DPYSL2: variants seen among roughly 807,000 people sequenced by gnomAD.
DPYSL2 encodes dihydropyrimidinase like 2, also known as dihydropyrimidinase-related protein 2.
A neutral mutation model predicts 69.9 loss-of-function variants in DPYSL2; 13 were observed. That is an observed-to-expected ratio of 0.19 (90% CI 0.12 to 0.30). The LOEUF (loss-of-function observed/expected upper bound fraction) is 0.30, where lower values mean the gene tolerates loss of function less well. Ranked by LOEUF, DPYSL2 falls within the 10% of genes least tolerant of loss-of-function variation. The pLI, the probability that DPYSL2 is intolerant of heterozygous loss-of-function variation, is 1.00. For synonymous variants in DPYSL2, 326 were observed against 359.1 expected, an observed-to-expected ratio of 0.91 and a Z score of 1.04; for missense variants, 587 against 918.9, an observed-to-expected ratio of 0.64 and a Z score of 4.67.
At position 26,586,664 on chromosome 8, in the gene DPYSL2, C is replaced by T. The variant is rs576678491; in HGVS notation, c.628+2681C>T. On this transcript the variant is annotated intron_variant, in intron 3 of 13. Transcript: ENST00000521913. This position sits in a 1 kb window ranked among gnomAD's most constrained non-coding sequence, Gnocchi z 4.7. ...TTTTTTCCATTCATCCAGATGGGTT[C>T]CTTCTGTTTAGGGACGAGGGACATC... Among the ~76,000 whole-genome samples the T allele has an allele frequency of 2.6e-5, 4 of 152,302 alleles. No individual in the cohort carries two copies. In the South Asian group the frequency reaches 6.2e-4, roughly 24 times the overall value.
chr8:26,584,615 T>TTTC (rs1474601911), intron 3 of DPYSL2, among the ~76,000 whole-genome samples: 2 of 117,584 alleles, frequency 1.7e-5, no homozygotes, highest in African/African-American at 6.1e-5. Flanking sequence ...GCTTTGTGCT[T>TTTC]TTTTTTTTTT....
chr8:26,618,437 C>T (rs1444534562), intron 3 of DPYSL2, among the ~76,000 whole-genome samples: 1 of 151,640 alleles, frequency 6.6e-6, no homozygotes, highest in Non-Finnish European at 1.5e-5. Flanking sequence ...CTTAGCCTCC[C>T]GAGTAGCTGC....
intron 8 of DPYSL2, among the ~76,000 whole-genome samples, chr8:26,637,171 G>C (rs1563421540): frequency 1.3e-5 from 2 of 152,312 alleles, no homozygotes; most frequent in South Asian, 4.1e-4. Flanking sequence ...ATGGTTCCCA[G>C]GATGGCATTT....
rs1468960701 is a variant in DPYSL2, at chr8:26,603,252, A to AT, written c.628+19269_628+19270insT. 2.0e-5 allele frequency among the ~76,000 whole-genome samples: 3 copies of AT among 152,038 alleles called. No homozygotes were observed. The East Asian group carries it at 5.8e-4, about 29-fold the overall frequency. ...CAGTGGCCCGATCTTGGCTCACTACAACCTCCACCTCCCGGGTTCAAGCGA... is the reference window on the plus strand; with the variant it reads ...CAGTGGCCCGATCTTGGCTCACTACATACCTCCACCTCCCGGGTTCAAGCGA... On this transcript the variant is annotated intron_variant, in intron 3 of 13. Transcript: ENST00000521913.
chr8:26,627,800 C>T lies in DPYSL2; in HGVS notation c.937-72C>T. On this transcript the variant is annotated intron_variant, in intron 6 of 13. Coordinates refer to ENST00000521913, the MANE Select transcript of DPYSL2 (RefSeq NM_001197293.3). The surrounding 1 kb of genome is among the most constrained non-coding windows in gnomAD (Gnocchi z 6.9). ...TCCATCTTGCCCGGATAACTGCATG[C>T]CCGGGCCTCTGCCATCAGAGCTGTG... 1 of 1,473,056 alleles carries T rather than the reference C, an allele frequency of 6.8e-7. No homozygotes were observed. The highest frequency in any genetic ancestry group is 9.4e-7 in the Non-Finnish European group (1 of 1,067,772). 91.2% of individuals were successfully genotyped at this position (1,473,056 alleles called of 1,614,324 possible).
Position 26,617,110 on chromosome 8 carries a change from C to T in DPYSL2, c.629-7033C>T, listed in dbSNP as rs754269735. 6.6e-6 allele frequency among the ~76,000 whole-genome samples: 1 copy of T among 152,174 alleles called. No homozygotes were observed. On this transcript the variant is annotated intron_variant, in intron 3 of 13. Transcript: ENST00000521913. The surrounding 1 kb of genome is among the most constrained non-coding windows in gnomAD (Gnocchi z 4.7). ...CTTGTCAGAAATACTGCCAGCCTAG[C>T]CCTTTAAAAACTCATGATATTGGGT... is the stretch of plus-strand genomic sequence containing the variant.
Position 26,586,008 on chromosome 8 carries a change from G to T in DPYSL2, c.628+2025G>T, listed in dbSNP as rs1490086613. On this transcript the variant is annotated intron_variant, in intron 3 of 13. Transcript: ENST00000521913. This position sits in a 1 kb window ranked among gnomAD's most constrained non-coding sequence, Gnocchi z 4.7. ...AGTCCCAGCTACTTGGGAGGCTGAG[G>T]CAGGAGAATCTTTGAACCTGGGAGG... 6.6e-6 allele frequency among the ~76,000 whole-genome samples: 1 copy of T among 152,156 alleles called. No individual in the cohort carries two copies. Among genetic ancestry groups the T allele is most frequent in the Non-Finnish European group, 1.5e-5 (1 of 68,024 alleles).
chr8:26,642,314 A>T lies in DPYSL2; in HGVS notation c.1127-1125A>T, dbSNP rs1803068390. 6.6e-6 allele frequency among the ~76,000 whole-genome samples: 1 copy of T among 152,118 alleles called. No homozygotes were observed. Among genetic ancestry groups the T allele is most frequent in the Non-Finnish European group, 1.5e-5 (1 of 68,018 alleles). On this transcript the variant is annotated intron_variant, in intron 8 of 13. Coordinates refer to ENST00000521913, the MANE Select transcript of DPYSL2 (RefSeq NM_001197293.3). The surrounding 1 kb of genome is among the most constrained non-coding windows in gnomAD (Gnocchi z 5.3). ...TCTCAGGTGAAGGGTGTGAGACCCGAGTTGTGTTTTGGACGATGTTAAAGG... is the reference window on the plus strand; with the variant it reads ...TCTCAGGTGAAGGGTGTGAGACCCGTGTTGTGTTTTGGACGATGTTAAAGG...
Position 26,624,409 on chromosome 8 carries a change from G to A in DPYSL2, c.793+102G>A. 1 of 1,436,748 alleles carries A rather than the reference G, an allele frequency of 7.0e-7. No individual in the cohort carries two copies. The highest frequency in any genetic ancestry group is 9.5e-7 in the Non-Finnish European group (1 of 1,051,004). 89.0% of individuals were successfully genotyped at this position (1,436,748 alleles called of 1,614,324 possible). ...GTGATAATGCTTCCAGATCCCATTT[G>A]TGCCTCATGCCCATGCCTGCCCCTG... On this transcript the variant is annotated intron_variant, in intron 4 of 13. Transcript: ENST00000521913. The surrounding 1 kb of genome is among the most constrained non-coding windows in gnomAD (Gnocchi z 4.7).
At position 26,539,611 on chromosome 8, in the gene DPYSL2, C is replaced by T. The variant is rs1289727993; in HGVS notation, c.354+24932C>T. Among the ~76,000 whole-genome samples the T allele has an allele frequency of 2.0e-5, 3 of 152,282 alleles. No homozygotes were observed. In the East Asian group the frequency reaches 5.8e-4, roughly 29 times the overall value. On this transcript the variant is annotated intron_variant, in intron 1 of 13. Coordinates refer to ENST00000521913, the MANE Select transcript of DPYSL2 (RefSeq NM_001197293.3). ...CTGGAGTACAGTGGTGTGATCTTAG[C>T]TCACTGCAACCTCTGCCTCCTGGGT...
At chr8:26,630,677 G>T (rs946981441) in intron 7 of DPYSL2, among the ~76,000 whole-genome samples, 1 of 152,184 alleles carries the variant, frequency 6.6e-6, no homozygotes, top group Non-Finnish European at 1.5e-5. Flanking sequence ...TACTGCCCAT[G>T]AGTGGTGGTA....
Position 26,524,835 on chromosome 8 carries a change from A to AAAAAG in DPYSL2, c.354+10157_354+10158insAAAGA, listed in dbSNP as rs1563374151. 9.8e-4 allele frequency among the ~76,000 whole-genome samples: 73 copies of AAAAAG among 74,220 alleles called. 5 individuals are homozygous for AAAAAG. The highest frequency in any genetic ancestry group is 1.2e-3 in the Non-Finnish European group (44 of 37,222). 48.7% of individuals were successfully genotyped at this position (74,220 alleles called of 152,430 possible). On this transcript the variant is annotated intron_variant, in intron 1 of 13. Transcript: ENST00000521913. ...AAAAAAAAAAAAAAAAAAAAAAAAAAAGAGAGAGAATTACTGTTTTTCAAT... is the reference window on the plus strand; with the variant it reads ...AAAAAAAAAAAAAAAAAAAAAAAAAAAAAAGAGAGAGAGAATTACTGTTTTTCAAT...
At chr8:26,646,918 G>A (rs1256100833) in intron 10 of DPYSL2, among the ~76,000 whole-genome samples, 1 of 151,828 alleles carries the variant, frequency 6.6e-6, no homozygotes, top group African/African-American at 2.4e-5. Context: ...GAGAGGCCGA[G>A]GCTGCAGTGA....
chr8:26,532,701 C>T (rs890586554), intron 1 of DPYSL2, among the ~76,000 whole-genome samples: 5 of 152,160 alleles, frequency 3.3e-5, no homozygotes, highest in African/African-American at 7.2e-5. Flanking sequence ...TGTATCAGTA[C>T]TTTGTTCCTT....
intron 1 of DPYSL2, among the ~76,000 whole-genome samples, chr8:26,573,950 G>A (rs401004): frequency 0.19 from 28,703 of 148,900 alleles, 3,068 homozygotes; most frequent in African/African-American, 0.28. Flanking sequence ...CTTTGTCCTC[G>A]TCATAGCAAT....
At chr8:26,572,572 T>C (rs1342406761) in intron 1 of DPYSL2, among the ~76,000 whole-genome samples, 1 of 152,186 alleles carries the variant, frequency 6.6e-6, no homozygotes, top group African/African-American at 2.4e-5. Context: ...CAATCTCGGC[T>C]CACTGCAACC....
In DPYSL2 at chr8:26,533,100, G is replaced by T. The variant is rs1046031670; in HGVS notation, c.354+18421G>T. The stretch of plus-strand genomic sequence containing the variant: ...CTGGGTATGAGTCAGTATCTCTTGT[G>T]GCTTTGGTTTGTATTTCCCTGATGA... On this transcript the variant is annotated intron_variant, in intron 1 of 13. Coordinates refer to ENST00000521913, the MANE Select transcript of DPYSL2 (RefSeq NM_001197293.3). This position sits in a 1 kb window ranked among gnomAD's most constrained non-coding sequence, Gnocchi z 4.8. 3.9e-5 allele frequency among the ~76,000 whole-genome samples: 6 copies of T among 152,158 alleles called. No individual in the cohort carries two copies. The highest frequency in any genetic ancestry group is 7.3e-5 in the Non-Finnish European group (5 of 68,030).
chr8:26,602,710 A>G (rs1802019890), intron 3 of DPYSL2, among the ~76,000 whole-genome samples: 1 of 152,240 alleles, frequency 6.6e-6, no homozygotes, highest in East Asian at 1.9e-4. Context: ...TTTATTGGCC[A>G]TCTGGCAGGT....
chr8:26,518,272 A>G (rs1808325905), intron 1 of DPYSL2, among the ~76,000 whole-genome samples: 1 of 152,240 alleles, frequency 6.6e-6, no homozygotes, highest in African/African-American at 2.4e-5. Context: ...AAAACAGGAG[A>G]TACAAGCATT....
Sources: gnomAD v4.1 joint callset for allele counts (sites outside exome capture counted in the v4.1 genomes callset) on GRCh38, gnomAD v4.1.1 for gene constraint, Gnocchi (gnomAD v3.1) non-coding constraint, MANE v1.5 for transcripts, NCBI Gene and HGNC (gene_info 2026-07-23, HGNC 2026-07-21) for gene names.